Variants in CAMKV observed in about 807,000 individuals in gnomAD.
The protein encoded by CAMKV is caM kinase-like vesicle-associated protein.
CAMKV carries 5 observed loss-of-function variants against 50.2 expected under a neutral mutation model. That is an observed-to-expected ratio of 0.10 (90% CI 0.05 to 0.21). The LOEUF is 0.21. CAMKV is among the 10% of genes least tolerant of loss of function. The pLI, the probability that CAMKV is intolerant of heterozygous loss-of-function variation, is 1.00. For synonymous variants in CAMKV, 229 were observed against 250.1 expected (o/e 0.92, Z 0.80); for missense variants, 361 against 650.5 (o/e 0.55, Z 4.84).
Position 49,860,897 on chromosome 3 carries a change from C to T in CAMKV, c.639-45G>A, listed in dbSNP as rs1267644923. ...CACAGAAAGGCCACAGACACATGCCCCCACCCCATCTGACTGCAAGCCTGC... is the reference window on the plus strand; with the variant it reads ...CACAGAAAGGCCACAGACACATGCCTCCACCCCATCTGACTGCAAGCCTGC... On this transcript the variant is annotated intron_variant, in intron 7 of 10. Transcript: ENST00000477224. The surrounding 1 kb of genome is among the most constrained non-coding windows in gnomAD (Gnocchi z 6.1). The T allele has an allele frequency of 1.9e-6, 3 of 1,613,782 alleles. No homozygotes were observed. Among genetic ancestry groups the T allele is most frequent in the Non-Finnish European group, 2.5e-6 (3 of 1,179,782 alleles).
chr3:49,860,037 C>A lies in CAMKV; in HGVS notation c.942+134G>T. The stretch of plus-strand genomic sequence containing the variant: ...GCTCAGCACTCCTACTTAAGGTAAT[C>A]ACAGTGGCTACACCCACACCTGATG... On this transcript the variant is annotated intron_variant, in intron 10 of 10. Transcript: ENST00000477224. The surrounding 1 kb of genome is among the most constrained non-coding windows in gnomAD (Gnocchi z 6.1). The A allele has an allele frequency of 9.4e-7, 1 of 1,065,008 alleles. No homozygotes were observed. Among genetic ancestry groups the A allele is most frequent in the South Asian group, 1.5e-5 (1 of 68,520 alleles). 66.0% of individuals were successfully genotyped at this position (1,065,008 alleles called of 1,614,324 possible). A position where few individuals can be genotyped will look rare whatever the true frequency, so the allele number is the denominator to read the frequency against.
chr3:49,865,561 G>A (rs185075553), intron 1 of CAMKV, among the ~76,000 whole-genome samples: 4 of 152,142 alleles, frequency 2.6e-5, no homozygotes, highest in Non-Finnish European at 5.9e-5. Flanking sequence ...CAGGTGACTC[G>A]CCAGCTCAAC....
chr3:49,859,775 G>T lies in CAMKV; in HGVS notation c.1049C>A (p.Ala350Asp). The part of the protein sequence containing the change: ...ASATDTATPG[A>D]AGGATAAAAS... ...AGCTGCAGCTGTGGCCCCACCTGCA[G>T]CCCCGGGGGTGGCAGTGTCTGTGGC... The change falls in exon 11 of 11, where the codon GCT (alanine) becomes GAT (aspartate). Residue 350 changes from alanine to aspartate, a missense_variant. Physicochemically the swap from Ala to Asp is moderately radical, Grantham distance 126. Coordinates refer to ENST00000477224, the MANE Select transcript of CAMKV (RefSeq NM_024046.5). The surrounding 1 kb of genome is among the most constrained non-coding windows in gnomAD (Gnocchi z 5.5). 1.3e-6 allele frequency: 2 copies of T among 1,559,518 alleles called. No individual in the cohort carries two copies. Among genetic ancestry groups the T allele is most frequent in the Non-Finnish European group, 1.7e-6 (2 of 1,153,970 alleles).
chr3:49,868,115 G>A (rs1372565785), intron 1 of CAMKV, among the ~76,000 whole-genome samples: 2 of 152,186 alleles, frequency 1.3e-5, no homozygotes, highest in African/African-American at 4.8e-5. Context: ...TTCCCAGCCC[G>A]TCTCTCTGCC....
intron 1 of CAMKV, among the ~76,000 whole-genome samples, chr3:49,865,154 C>T (rs539498626): frequency 6.6e-6 from 1 of 152,230 alleles, no homozygotes; most frequent in East Asian, 1.9e-4. Flanking sequence ...CTTTGAAGAT[C>T]GTCACTGACT....
In CAMKV at chr3:49,861,432, C is replaced by T. The variant is rs1331050374; in HGVS notation, c.441+7G>A. The T allele has an allele frequency of 1.9e-6, 3 of 1,614,084 alleles. No homozygotes were observed. Among genetic ancestry groups the T allele is most frequent in the Non-Finnish European group, 1.7e-6 (2 of 1,180,026 alleles). ...AACTGGCCCTTTGACTCTGGCTCTG[C>T]CCTCACCTTGAGATTCCTGTGCACG... On this transcript the variant is annotated splice_region_variant and intron_variant, in intron 5 of 10. Coordinates refer to ENST00000477224, the MANE Select transcript of CAMKV (RefSeq NM_024046.5). This position sits in a 1 kb window ranked among gnomAD's most constrained non-coding sequence, Gnocchi z 7.7.
Position 49,859,343 on chromosome 3 carries a change from T to A in CAMKV, c.1481A>T (p.Glu494Val). 6.5e-7 allele frequency: 1 copy of A among 1,541,380 alleles called. No homozygotes were observed. The highest frequency in any genetic ancestry group is 2.3e-5 in the East Asian group (1 of 44,244). ...KGEEAAGYAQESQREEAS is the reference protein window; with the variant it reads ...KGEEAAGYAQVSQREEAS Reference sequence around the variant, plus strand: ...TCAGCTGGCCTCCTCCCTTTGAGACTCCTGGGCATAACCAGCAGCCTCTTC... The same window carrying A: ...TCAGCTGGCCTCCTCCCTTTGAGACACCTGGGCATAACCAGCAGCCTCTTC... Residue 494 changes from glutamate to valine, a missense_variant, in exon 11 of 11, where the codon GAG becomes GTG. Glu to Val is a moderately radical substitution (Grantham distance 121). Transcript: ENST00000477224. This position sits in a 1 kb window ranked among gnomAD's most constrained non-coding sequence, Gnocchi z 5.5.
At chr3:49,864,056 A>G (rs1376184475) in intron 1 of CAMKV, among the ~76,000 whole-genome samples, 1 of 152,232 alleles carries the variant, frequency 6.6e-6, no homozygotes, top group Non-Finnish European at 1.5e-5. Flanking sequence ...CTGGGCAAAG[A>G]ATTGGATGTC....
Position 49,859,548 on chromosome 3 carries a change from C to T in CAMKV, c.1276G>A (p.Ala426Thr), listed in dbSNP as rs773741414. Residue 426 changes from alanine to threonine, a missense_variant, in exon 11 of 11, where the codon GCT (alanine) becomes ACT (threonine). Ala to Thr is a moderately conservative substitution (Grantham distance 58). This residue lies in a region of CAMKV where 27 missense variants were observed against 59.9 expected (regional missense o/e 0.45). Coordinates refer to ENST00000477224, the MANE Select transcript of CAMKV (RefSeq NM_024046.5). This position sits in a 1 kb window ranked among gnomAD's most constrained non-coding sequence, Gnocchi z 5.5. ...GCTCTCCCATCAGTGGCTGGAGTAG[C>T]GCTCCTGTCAGTGGCTGGGGTGACA... ...GSVTPATDRS[A>T]TPATDGRATP... 1.2e-6 allele frequency: 2 copies of T among 1,614,024 alleles called. No individual in the cohort carries two copies.
In CAMKV at chr3:49,859,505, T is replaced by TGC; in HGVS notation, c.1318_1319insGC (p.Glu440GlyfsTer65). 1.9e-6 allele frequency: 3 copies of TGC among 1,614,156 alleles called. No individual in the cohort carries two copies. The highest frequency in any genetic ancestry group is 2.5e-6 in the Non-Finnish European group (3 of 1,180,010). ...GCTTTGGGTGGTGGGCACAGTGCTC[T>TGC]CTTCTGTGGCTGGTGTGGCTCTCCC... On this transcript the variant is annotated frameshift_variant, in exon 11 of 11. Coordinates refer to ENST00000477224, the MANE Select transcript of CAMKV (RefSeq NM_024046.5). LOFTEE classifies it high-confidence loss of function. The surrounding 1 kb of genome is among the most constrained non-coding windows in gnomAD (Gnocchi z 5.5).
rs188944746 is a variant in CAMKV at position 49,864,943 on chromosome 3, G to A, written c.-14-2541C>T. On this transcript the variant is annotated intron_variant, in intron 1 of 10. Coordinates refer to ENST00000477224, the MANE Select transcript of CAMKV (RefSeq NM_024046.5). ...GCTGCTACTTGCTTCCTCCCAGGCA[G>A]AAGCCAGCCACCAGGCTGTGATTCC... Among the ~76,000 whole-genome samples the A allele has an allele frequency of 2.4e-3, 370 of 152,316 alleles. 1 individual carries two copies. Among genetic ancestry groups the A allele is most frequent in the Admixed American group, 8.9e-3 (136 of 15,296 alleles).
In CAMKV at chr3:49,867,541, G is replaced by A. The variant is rs138214624; in HGVS notation, c.-15+2217C>T. ...CCACTGGAGGCTCTGCTTCCCTGTG[G>A]GTGGAGGAGGGGAAATGCAGAGGAA... On this transcript the variant is annotated intron_variant, in intron 1 of 10. Coordinates refer to ENST00000477224, the MANE Select transcript of CAMKV (RefSeq NM_024046.5). Among the ~76,000 whole-genome samples, 12 of 152,322 alleles carry A rather than the reference G, an allele frequency of 7.9e-5. No homozygotes were observed. The East Asian group carries it at 2.3e-3, about 29-fold the overall frequency.
At chr3:49,867,721 A>G (rs989036413) in intron 1 of CAMKV, among the ~76,000 whole-genome samples, 8 of 152,106 alleles carry the variant, frequency 5.3e-5, no homozygotes, top group African/African-American at 1.7e-4. Flanking sequence ...CCATCAAGAA[A>G]GGGGAGGTGG....
In CAMKV at chr3:49,860,364, G is replaced by GTAC; in HGVS notation, c.854+106_855-106insGTA. On this transcript the variant is annotated intron_variant, in intron 9 of 10. Transcript: ENST00000477224. The surrounding 1 kb of genome is among the most constrained non-coding windows in gnomAD (Gnocchi z 6.1). ...AGGGACTACCAGGCAGAGCCTCTGGGCTGCCCTGAGCTCTAGGTACCTGCA... is the reference window on the plus strand; with the variant it reads ...AGGGACTACCAGGCAGAGCCTCTGGGTACCTGCCCTGAGCTCTAGGTACCTGCA... The GTAC allele has an allele frequency of 6.6e-7, 1 of 1,512,616 alleles. No individual in the cohort carries two copies. The highest frequency in any genetic ancestry group is 9.2e-7 in the Non-Finnish European group (1 of 1,091,582). 93.7% of individuals were successfully genotyped at this position (1,512,616 alleles called of 1,614,324 possible).
At position 49,860,562 on chromosome 3, in the gene CAMKV, C is replaced by A. The variant is rs2082012021; in HGVS notation, c.776-13G>T. 1 of 1,612,418 alleles carries A rather than the reference C, an allele frequency of 6.2e-7. No homozygotes were observed. The highest frequency in any genetic ancestry group is 8.5e-7 in the Non-Finnish European group (1 of 1,179,200). On this transcript the variant is annotated splice_polypyrimidine_tract_variant and intron_variant, in intron 8 of 10. Coordinates refer to ENST00000477224, the MANE Select transcript of CAMKV (RefSeq NM_024046.5). This position sits in a 1 kb window ranked among gnomAD's most constrained non-coding sequence, Gnocchi z 6.1. Reference sequence around the variant, plus strand: ...ACCAGGTCTTTGGCTGTGGACAAAACCAAGAAGGGGATAGTCATGGGCACC... The same window carrying A: ...ACCAGGTCTTTGGCTGTGGACAAAAACAAGAAGGGGATAGTCATGGGCACC...
At chr3:49,868,416 C>A (rs892216747) in intron 1 of CAMKV, among the ~76,000 whole-genome samples, 5 of 152,164 alleles carry the variant, frequency 3.3e-5, no homozygotes, top group Non-Finnish European at 7.3e-5. Context: ...AACAGGATAA[C>A]CACACAGCCC....
intron 1 of CAMKV, among the ~76,000 whole-genome samples, chr3:49,866,619 C>A (rs1409054646): frequency 6.6e-6 from 1 of 152,230 alleles, no homozygotes; most frequent in East Asian, 1.9e-4. Context: ...CGGCCATTGC[C>A]CTCCAGCTGG....
At position 49,861,955 on chromosome 3, in the gene CAMKV, G is replaced by A; in HGVS notation, c.227+90C>T. ...CACAGTGGCCACAGCAGACTAATTG[G>A]CCAGAGGCTGGGACTGCCTGAGGCC... On this transcript the variant is annotated intron_variant, in intron 3 of 10. Coordinates refer to ENST00000477224, the MANE Select transcript of CAMKV (RefSeq NM_024046.5). The surrounding 1 kb of genome is among the most constrained non-coding windows in gnomAD (Gnocchi z 7.7). 1 of 1,607,754 alleles carries A rather than the reference G, an allele frequency of 6.2e-7. No homozygotes were observed.
chr3:49,868,433 T>G (rs977895365), intron 1 of CAMKV, among the ~76,000 whole-genome samples: 44 of 151,958 alleles, frequency 2.9e-4, no homozygotes, highest in African/African-American at 9.7e-4. Context: ...GCCCTTCACC[T>G]CCCCATGCCT....
Sources: gnomAD v4.1 joint callset for allele counts (sites outside exome capture counted in the v4.1 genomes callset) on GRCh38, gnomAD v4.1.1 for gene constraint, gnomAD v4.1.1 regional missense constraint, Gnocchi (gnomAD v3.1) non-coding constraint, MANE v1.5 for transcripts, NCBI Gene and HGNC (gene_info 2026-07-23, HGNC 2026-07-21) for gene names.